SDCCAG8: variants seen among roughly 807,000 people sequenced by gnomAD.
SDCCAG8 encodes serologically defined colon cancer antigen 8.
A neutral mutation model predicts 101.8 loss-of-function variants in SDCCAG8; 74 were observed. That is an observed-to-expected ratio of 0.73 (90% confidence interval 0.60 to 0.88). The LOEUF is 0.88. SDCCAG8 is among the 40% of genes least tolerant of loss of function. SDCCAG8 has a pLI of 0.00. For missense variants in SDCCAG8, 787 were observed against 822.6 expected (o/e 0.96, Z 0.53); for synonymous variants, 281 against 292.9 (o/e 0.96, Z 0.41).
At chr1:243,485,991 G>A (rs759900455) in intron 16 of SDCCAG8, among the ~76,000 whole-genome samples, 62 of 151,906 alleles carry the variant, frequency 4.1e-4, no homozygotes, top group Non-Finnish European at 7.9e-4. Flanking sequence ...TTGAGGTCAG[G>A]AGTTTGAGAC....
chr1:243,453,435 T>G (rs929520983), intron 16 of SDCCAG8, among the ~76,000 whole-genome samples: 3 of 152,188 alleles, frequency 2.0e-5, no homozygotes, highest in Middle Eastern at 3.2e-3. Context: ...GTTCATTTTG[T>G]TTTTGAAGGT....
At chr1:243,478,443 C>T (rs528071999) in intron 16 of SDCCAG8, among the ~76,000 whole-genome samples, 1 of 152,282 alleles carries the variant, frequency 6.6e-6, no homozygotes, top group East Asian at 1.9e-4. Context: ...CTTGATCCCC[C>T]CATCACTTGG....
intron 16 of SDCCAG8, among the ~76,000 whole-genome samples, chr1:243,437,533 T>A (rs1054958479): frequency 7.6e-6 from 1 of 131,750 alleles, no homozygotes; most frequent in Non-Finnish European, 1.5e-5. Context: ...GAGGAATTCT[T>A]TTTTTTTTTT....
intron 9 of SDCCAG8, among the ~76,000 whole-genome samples, chr1:243,329,478 A>G (rs904333400): frequency 1.3e-5 from 2 of 152,200 alleles, no homozygotes; most frequent in Non-Finnish European, 1.5e-5. Flanking sequence ...GGCCATTTCC[A>G]TCTCCATTAA....
At chr1:243,400,613 GT>G (rs2079321803) in intron 13 of SDCCAG8, among the ~76,000 whole-genome samples, 1 of 152,110 alleles carries the variant, frequency 6.6e-6, no homozygotes, top group African/African-American at 2.4e-5. Flanking sequence ...CACGTTCCAA[GT>G]TCTTCCATAT....
At chr1:243,472,848 C>A (rs1661522787) in intron 16 of SDCCAG8, among the ~76,000 whole-genome samples, 1 of 152,196 alleles carries the variant, frequency 6.6e-6, no homozygotes, top group South Asian at 2.1e-4. Flanking sequence ...TAAACAAGGT[C>A]ATCTGAAAAT....
Position 243,341,127 on chromosome 1 carries a change from A to G in SDCCAG8, c.1310A>G (p.Glu437Gly). The G allele has an allele frequency of 6.2e-7, 1 of 1,614,140 alleles. No individual in the cohort carries two copies. The highest frequency in any genetic ancestry group is 8.5e-7 in the Non-Finnish European group (1 of 1,179,962). The change falls in exon 11 of 18, where the codon GAG (glutamate) becomes GGG (glycine). Residue 437 changes from glutamate to glycine, a missense_variant. Transcript: ENST00000366541. ...KEKISAINQL[E>G]EIQSQLASRE... ...AAGATTTCAGCTATTAATCAACTGG[A>G]GGAAATTCAAAGCCAGCTGGCTTCT...
At chr1:243,325,395 G>T (rs766509037) in intron 9 of SDCCAG8, among the ~76,000 whole-genome samples, 10 of 151,910 alleles carry the variant, frequency 6.6e-5, no homozygotes, top group Non-Finnish European at 1.0e-4. Context: ...TGCTTTCTAA[G>T]TGCATTAAAA....
intron 16 of SDCCAG8, among the ~76,000 whole-genome samples, chr1:243,467,485 AGCCCAGTG>A (rs1487817577): frequency 6.6e-6 from 1 of 152,242 alleles, no homozygotes; most frequent in Non-Finnish European, 1.5e-5. Context: ...TCACAAGAGA[AGCCCAGTG>A]GCTTTATTCG....
intron 15 of SDCCAG8, among the ~76,000 whole-genome samples, chr1:243,418,388 A>G (rs921433621): frequency 2.0e-5 from 3 of 152,208 alleles, no homozygotes; most frequent in Non-Finnish European, 4.4e-5. Flanking sequence ...CAGTTATAAA[A>G]TCTTACATAG....
intron 4 of SDCCAG8, among the ~76,000 whole-genome samples, chr1:243,275,163 C>T (rs1001712817): frequency 6.6e-6 from 1 of 152,164 alleles, no homozygotes; most frequent in African/African-American, 2.4e-5. Context: ...TCATATATAG[C>T]TTATGACACT....
intron 16 of SDCCAG8, among the ~76,000 whole-genome samples, chr1:243,484,293 C>G (rs1179673600): frequency 6.6e-6 from 1 of 152,240 alleles, no homozygotes; most frequent in Non-Finnish European, 1.5e-5. Flanking sequence ...TTTCCAGACA[C>G]GCATTGGCCT....
Position 243,499,799 on chromosome 1 carries a change from G to C in SDCCAG8, c.*14G>C, listed in dbSNP as rs901936599. The C allele has an allele frequency of 1.9e-6, 3 of 1,611,324 alleles. No individual in the cohort carries two copies. The highest frequency in any genetic ancestry group is 3.3e-5 in the Admixed American group (2 of 60,032). On this transcript the variant is annotated 3_prime_UTR_variant, in exon 18 of 18. Transcript: ENST00000366541. ...TCTGATTGCTGACCTGGATGGAACA[G>C]AGTGAAATAAATGATTTACAAAGAG...
intron 12 of SDCCAG8, among the ~76,000 whole-genome samples, chr1:243,351,079 A>G (rs1453555923): frequency 6.6e-6 from 1 of 152,170 alleles, no homozygotes; most frequent in African/African-American, 2.4e-5. Context: ...AAGATAATGG[A>G]TGACTTCTCA....
At chr1:243,301,409 A>G (rs1231245018) in intron 6 of SDCCAG8, among the ~76,000 whole-genome samples, 1 of 152,156 alleles carries the variant, frequency 6.6e-6, no homozygotes, top group Admixed American at 6.5e-5. Flanking sequence ...ACCTTGAATA[A>G]CACCATGAGG....
intron 13 of SDCCAG8, among the ~76,000 whole-genome samples, chr1:243,379,145 C>A (rs2077782576): frequency 6.6e-6 from 1 of 152,188 alleles, no homozygotes; most frequent in Non-Finnish European, 1.5e-5. Flanking sequence ...TCTCCTACCA[C>A]CACTACTACC....
rs2071011808 is a variant in SDCCAG8, at chr1:243,297,127, C to T, written c.675+3908C>T. On this transcript the variant is annotated intron_variant, in intron 6 of 17. Coordinates refer to ENST00000366541, the MANE Select transcript of SDCCAG8 (RefSeq NM_006642.5). ...TGATCCTGAATTTTCTGAAAATACT[C>T]AAGTATGCATCATTAAACACTTTTG... Among the ~76,000 whole-genome samples, 2 of 152,156 alleles carry T rather than the reference C, an allele frequency of 1.3e-5. 1 individual carries two copies. Among genetic ancestry groups the T allele is most frequent in the South Asian group, 4.1e-4 (2 of 4,828 alleles).
At chr1:243,275,251 T>C (rs1380634027) in intron 4 of SDCCAG8, among the ~76,000 whole-genome samples, 1 of 152,184 alleles carries the variant, frequency 6.6e-6, no homozygotes, top group Admixed American at 6.5e-5. Flanking sequence ...TCCCGAAGTA[T>C]GTCGTGTTTT....
At chr1:243,412,735 A>AT (rs1472476964) in intron 13 of SDCCAG8, among the ~76,000 whole-genome samples, 3 of 152,118 alleles carry the variant, frequency 2.0e-5, no homozygotes, top group African/African-American at 7.2e-5. Flanking sequence ...ATAAAATAGG[A>AT]TTCCCCAAAT....
Sources: allele counts gnomAD v4.1 joint callset (sites outside exome capture counted in the v4.1 genomes callset), GRCh38; gene constraint gnomAD v4.1.1; transcripts MANE v1.5; gene names NCBI Gene and HGNC (gene_info 2026-07-23, HGNC 2026-07-21).